Variants in WDPCP observed in about 807,000 individuals in gnomAD.
WDPCP encodes the protein WD repeat-containing and planar cell polarity effector protein fritz homolog.
A neutral mutation model predicts 93.1 loss-of-function variants in WDPCP; 71 were observed. That is an observed-to-expected ratio of 0.76 (90% CI 0.63 to 0.93). The LOEUF (loss-of-function observed/expected upper bound fraction) is 0.93, where lower values mean the gene tolerates loss of function less well. Ranked by LOEUF, WDPCP falls within the 40% of genes least tolerant of loss-of-function variation. The probability of loss-of-function intolerance (pLI) is 0.00; values close to 1 mark genes in which losing one functional copy is unlikely to be tolerated. For missense variants in WDPCP, 844 were observed against 887.4 expected (o/e 0.95, Z 0.62); for synonymous variants, 315 against 315.0 (o/e 1.00, Z 0.00).
intron 1 of WDPCP, among the ~76,000 whole-genome samples, chr2:63,527,718 C>A (rs1208864217): frequency 6.6e-6 from 1 of 151,968 alleles, no homozygotes; most frequent in Non-Finnish European, 1.5e-5. Flanking sequence ...GATTTATAAT[C>A]CTTTGGGTAT....
chr2:63,369,495 C>A (rs996396178), intron 12 of WDPCP: 1 of 456,536 alleles, frequency 2.2e-6, no homozygotes, highest in South Asian at 1.5e-5. Context: ...CGAGGAGTTA[C>A]AAGCAAAAGA....
intron 12 of WDPCP, 76 bp downstream of exon 12, chr2:63,378,310 A>G (rs1228867491): frequency 1.5e-5 from 24 of 1,594,864 alleles, no homozygotes; most frequent in Non-Finnish European, 2.1e-5. Context: ...CTTACTATGG[A>G]ATATTTTAAT....
At position 63,484,940 on chromosome 2, in the gene WDPCP, G is replaced by A. The variant is rs772536466; in HGVS notation, c.301C>T (p.Arg101Ter). ...ACCTCCAACTCTTTGAGCGAGTCTC[G>A]GAGTTTTTCTGGGCGTCTGTTTTTG... ...TLKNRRPEKL[R>*]DSLKELEELM... is the part of the protein sequence containing the mutation. The change falls in exon 5 of 18, where the codon CGA becomes TGA. Residue 101 changes from arginine (R) to a stop codon, truncating the protein, a stop_gained. Coordinates refer to ENST00000272321, the MANE Select transcript of WDPCP (RefSeq NM_015910.7). LOFTEE classifies it high-confidence loss of function. 9.3e-6 allele frequency: 15 copies of A among 1,612,388 alleles called. No individual in the cohort carries two copies. The highest frequency in any genetic ancestry group is 1.6e-4 in the Middle Eastern group (1 of 6,070).
At position 63,130,347 on chromosome 2, in the gene WDPCP, G is replaced by A. The variant is rs1409222302; in HGVS notation, c.2191-8291C>T. 1.3e-5 allele frequency among the ~76,000 whole-genome samples: 2 copies of A among 152,032 alleles called. 1 individual carries two copies. Among genetic ancestry groups the A allele is most frequent in the South Asian group, 4.1e-4 (2 of 4,820 alleles). ...TGCATATGGACATCCTGTTTTCCCA[G>A]CAATATTTGATGAAAAGACTGTCTT... On this transcript the variant is annotated intron_variant, in intron 17 of 17. Transcript: ENST00000272321.
chr2:63,760,910 C>T (rs1489268104), intron 2 of WDPCP, among the ~76,000 whole-genome samples: 1 of 152,188 alleles, frequency 6.6e-6, no homozygotes, highest in African/African-American at 2.4e-5. Context: ...CCACAGCCAT[C>T]ACCCATCCAC....
chr2:63,228,387 C>CTTTTTTTTTTTTTT, intron 14 of WDPCP: 35 of 110,364 alleles, frequency 3.2e-4, no homozygotes, highest in South Asian at 6.0e-4. Flanking sequence ...TTTTCTTTTT[C>CTTTTTTTTTTTTTT]TTTTTTTTTT....
chr2:63,194,783 G>C (rs995759122), intron 14 of WDPCP, among the ~76,000 whole-genome samples: 2 of 152,070 alleles, frequency 1.3e-5, no homozygotes, highest in Non-Finnish European at 2.9e-5. Context: ...GGAAAAAGTA[G>C]ATATTTGAAC....
rs570125327 is a variant in WDPCP at position 63,326,238 on chromosome 2, G to C, written c.1749-12927C>G. On this transcript the variant is annotated intron_variant, in intron 12 of 17. Transcript: ENST00000272321. ...TGCCACTTTTCTCCCAGAGGATGAGGAACCAATCGAGCATGACTGCCAACA... is the reference window on the plus strand; with the variant it reads ...TGCCACTTTTCTCCCAGAGGATGAGCAACCAATCGAGCATGACTGCCAACA... Among the ~76,000 whole-genome samples, 23 of 152,262 alleles carry C rather than the reference G, an allele frequency of 1.5e-4. 1 individual carries two copies. Among genetic ancestry groups the C allele is most frequent in the African/African-American group, 5.1e-4 (21 of 41,566 alleles).
At chr2:63,408,054 C>A (rs571230896) in intron 9 of WDPCP, among the ~76,000 whole-genome samples, 1 of 152,138 alleles carries the variant, frequency 6.6e-6, no homozygotes, top group African/African-American at 2.4e-5. Context: ...TGTAGTTTCA[C>A]GAAGAAAACG....
intron 3 of WDPCP, among the ~76,000 whole-genome samples, chr2:63,600,465 C>A (rs1443160684): frequency 6.6e-6 from 1 of 152,138 alleles, no homozygotes; most frequent in East Asian, 1.9e-4. Context: ...TAACCTTAGT[C>A]CACTTACTAG....
intron 1 of WDPCP, among the ~76,000 whole-genome samples, chr2:63,529,580 G>A (rs558209759): frequency 2.6e-5 from 4 of 152,322 alleles, no homozygotes; most frequent in East Asian, 3.9e-4. Flanking sequence ...TCATCATGGT[G>A]GACAAGCTTT....
At chr2:63,711,530 G>A (rs1669264566) in intron 2 of WDPCP, 1 of 152,246 alleles carries the variant, frequency 6.6e-6, no homozygotes, top group African/African-American at 2.4e-5. Context: ...GCCAAGGTTG[G>A]AGGATCGCTT....
chr2:63,697,431 T>G (rs888108444), intron 2 of WDPCP, among the ~76,000 whole-genome samples: 2 of 152,180 alleles, frequency 1.3e-5, no homozygotes, highest in Non-Finnish European at 2.9e-5. Context: ...GTTAATCATT[T>G]ATAATTATAG....
At chr2:63,800,081 T>C (rs979754964) in intron 2 of WDPCP, among the ~76,000 whole-genome samples, 3 of 152,196 alleles carry the variant, frequency 2.0e-5, no homozygotes, top group Non-Finnish European at 2.9e-5. Context: ...TATTATTCCC[T>C]GAAATCTCAA....
intron 3 of WDPCP, among the ~76,000 whole-genome samples, chr2:63,632,531 A>T (rs551711937): frequency 2.4e-3 from 364 of 152,328 alleles, no homozygotes; most frequent in African/African-American, 8.3e-3. Flanking sequence ...TAGAAATTAT[A>T]AAAAAGAAAC....
At chr2:63,194,090 A>G (rs1266439345) in intron 14 of WDPCP, among the ~76,000 whole-genome samples, 1 of 152,210 alleles carries the variant, frequency 6.6e-6, no homozygotes, top group East Asian at 1.9e-4. Context: ...TTATGGAATT[A>G]TTACAAACCT....
chr2:63,537,948 T>C (rs1704422270), intron 1 of WDPCP, among the ~76,000 whole-genome samples: 1 of 152,188 alleles, frequency 6.6e-6, no homozygotes, highest in African/African-American at 2.4e-5. Context: ...AATGAATGAA[T>C]AAACAAATGC....
intron 1 of WDPCP, among the ~76,000 whole-genome samples, chr2:63,545,553 C>A (rs1411520336): frequency 1.3e-5 from 2 of 152,012 alleles, no homozygotes. Context: ...TTCTTATCCA[C>A]CCTGTGATAA....
At chr2:63,453,432 C>T (rs529300537) in intron 6 of WDPCP, among the ~76,000 whole-genome samples, 6 of 152,140 alleles carry the variant, frequency 3.9e-5, no homozygotes, top group African/African-American at 1.4e-4. Context: ...ATCATTAAAA[C>T]GTCAGGAAAC....
Sources: allele counts gnomAD v4.1 joint callset (sites outside exome capture counted in the v4.1 genomes callset), GRCh38; gene constraint gnomAD v4.1.1; transcripts MANE v1.5; gene names NCBI Gene and HGNC (gene_info 2026-07-23, HGNC 2026-07-21).